Variants in SLC44A2 observed in about 807,000 individuals in gnomAD.
The protein encoded by SLC44A2 is solute carrier family 44 member 2 (CTL2 blood group).
In SLC44A2, 57 loss-of-function variants were observed where a neutral mutation model predicts 90.8. That is an observed-to-expected ratio of 0.63 (90% CI 0.51 to 0.78). The LOEUF is 0.78. Ranked by LOEUF, SLC44A2 falls within the 30% of genes least tolerant of loss-of-function variation. The pLI is 0.00. For synonymous variants in SLC44A2, 355 were observed against 360.7 expected (o/e 0.98, Z 0.18); for missense variants, 794 against 919.7 (o/e 0.86, Z 1.77).
At chr19:10,620,647 C>T (rs372830028), upstream of SLC44A2, among the ~76,000 whole-genome samples, 1 of 152,046 alleles carries the variant, frequency 6.6e-6, no homozygotes, top group East Asian at 1.9e-4. Flanking sequence ...GGGACGCAGC[C>T]GGAATGAAAG....
Position 10,636,360 on chromosome 19 carries a change from A to T in SLC44A2, c.1271A>T (p.Asn424Ile). Residue 424 changes from asparagine to isoleucine, a missense_variant, in exon 15 of 22, where the codon AAT becomes ATT. By Grantham distance (149) the Asn-to-Ile change is moderately radical. Around this residue, in one of 3 missense-constraint regions of SLC44A2, gnomAD observed 738 missense variants for 841.1 expected, o/e 0.88. Transcript: ENST00000335757. Reference protein sequence around the residue: ...PSSNESRQCPNARCQFAFYGG... With the variant: ...PSSNESRQCPIARCQFAFYGG... The stretch of plus-strand genomic sequence containing the variant: ...TCCAATGAGTCCCGCCAATGCCCCA[A>T]TGCCCGTTGCCAGTTCGCCTTCTAC... 1 of 1,613,026 alleles carries T rather than the reference A, an allele frequency of 6.2e-7. No individual in the cohort carries two copies. Among genetic ancestry groups the T allele is most frequent in the Non-Finnish European group, 8.5e-7 (1 of 1,179,690 alleles).
At position 10,634,860 on chromosome 19, in the gene SLC44A2, C is replaced by T. The variant is rs750855658; in HGVS notation, c.928C>T (p.His310Tyr). 5 of 1,614,082 alleles carry T rather than the reference C, an allele frequency of 3.1e-6. No individual in the cohort carries two copies. In the South Asian group the frequency reaches 3.3e-5, roughly 11 times the overall value. ...TCAGACGGATTTCCGGGTGTACCTG[C>T]ACTTACGGCAGACCTGGTTGGCCTT... Reference protein sequence around the residue: ...GFQTDFRVYLHLRQTWLAFMI... With the variant: ...GFQTDFRVYLYLRQTWLAFMI... The change falls in exon 11 of 22, where the codon CAC becomes TAC. Residue 310 changes from histidine to tyrosine, a missense_variant. His to Tyr is a moderately conservative substitution (Grantham distance 83). Coordinates refer to ENST00000335757, the MANE Select transcript of SLC44A2 (RefSeq NM_020428.4).
chr19:10,631,114 G>A lies in SLC44A2; in HGVS notation c.303G>A (p.Leu101=). 6.2e-7 allele frequency: 1 copy of A among 1,613,840 alleles called. No individual in the cohort carries two copies. The highest frequency in any genetic ancestry group is 1.1e-5 in the South Asian group (1 of 91,058). The part of the protein sequence containing the change: ...NIVKCASPLV[L]LEFQCPTPQI... The stretch of plus-strand genomic sequence containing the variant: ...TGAAATGTGCCAGCCCCCTGGTTCT[G>A]CTGGAATTCCAATGTCCCACTCCCC... Residue 101 remains leucine, a synonymous_variant, in exon 5 of 22, where the codon CTG becomes CTA. Transcript: ENST00000335757.
chr19:10,627,473 C>G lies in SLC44A2; in HGVS notation c.87-249C>G, dbSNP rs576646448. The stretch of plus-strand genomic sequence containing the variant: ...GGAGGATCACTTGAGCCCAGGAGTT[C>G]GAGGCTGTAGTGAGCTATGATCATG... On this transcript the variant is annotated intron_variant, in intron 2 of 21. Transcript: ENST00000335757. 2.9e-3 allele frequency among the ~76,000 whole-genome samples: 445 copies of G among 151,870 alleles called. 4 individuals carry two copies. Among genetic ancestry groups the G allele is most frequent in the African/African-American group, 0.01 (416 of 41,424 alleles).
At chr19:10,620,088 A>C (rs1371512907) in intron 1 of SLC44A2, among the ~76,000 whole-genome samples, 1 of 152,144 alleles carries the variant, frequency 6.6e-6, no homozygotes, top group Non-Finnish European at 1.5e-5. Flanking sequence ...AGGTGGGAGG[A>C]TCACTCGAGC....
intron 1 of SLC44A2, among the ~76,000 whole-genome samples, chr19:10,609,314 T>A (rs111441916): frequency 0.036 from 5,410 of 151,238 alleles, 303 homozygotes; most frequent in African/African-American, 0.12. Flanking sequence ...TTTTCTTTTT[T>A]TTCAAGACAG....
At chr19:10,614,970 C>CAAA (rs74464361) in intron 1 of SLC44A2, among the ~76,000 whole-genome samples, 19 of 61,312 alleles carry the variant, frequency 3.1e-4, no homozygotes, top group East Asian at 5.1e-4. Context: ...GACTCCGTCT[C>CAAA]AAAAAAAAAA....
chr19:10,613,297 T>C (rs1918362302), intron 1 of SLC44A2, among the ~76,000 whole-genome samples: 1 of 151,736 alleles, frequency 6.6e-6, no homozygotes, highest in Non-Finnish European at 1.5e-5. Context: ...TCACCCAGGC[T>C]AGAGTGCAGT....
intron 1 of SLC44A2, among the ~76,000 whole-genome samples, chr19:10,605,997 A>G (rs1918094287): frequency 6.6e-6 from 1 of 151,860 alleles, no homozygotes; most frequent in Non-Finnish European, 1.5e-5. Context: ...CCATCTCAAA[A>G]AACAACAAAA....
chr19:10,640,612 A>C (rs904423523), intron 20 of SLC44A2, among the ~76,000 whole-genome samples: 2 of 152,208 alleles, frequency 1.3e-5, no homozygotes, highest in South Asian at 4.1e-4. Flanking sequence ...ACTTCAGTCA[A>C]CAAATGTTTA....
intron 16 of SLC44A2, 73 bp downstream of exon 16, chr19:10,636,829 T>G: frequency 3.4e-6 from 5 of 1,460,002 alleles, no homozygotes; most frequent in Non-Finnish European, 4.7e-6. Flanking sequence ...GATTGGGTCT[T>G]GCTTGGAGGT....
At chr19:10,614,282 T>C (rs946098672) in intron 1 of SLC44A2, among the ~76,000 whole-genome samples, 1 of 152,056 alleles carries the variant, frequency 6.6e-6, no homozygotes, top group Non-Finnish European at 1.5e-5. Context: ...TTTGTGTTTT[T>C]TTAAGCCACC....
intron 1 of SLC44A2, among the ~76,000 whole-genome samples, chr19:10,604,666 C>A (rs1918050748): frequency 6.6e-6 from 1 of 152,106 alleles, no homozygotes; most frequent in African/African-American, 2.4e-5. Flanking sequence ...CGTGACCTCT[C>A]TGAAGCTCTG....
At chr19:10,624,620 G>T (rs1370238451), upstream of SLC44A2, among the ~76,000 whole-genome samples, 2 of 152,216 alleles carry the variant, frequency 1.3e-5, no homozygotes, top group Non-Finnish European at 1.5e-5. Flanking sequence ...GTCAGTTTTG[G>T]TTTCATACTT....
rs114628045 is a variant in SLC44A2 at position 10,636,749 on chromosome 19, G to A, written c.1584G>A (p.Arg528=). Reference sequence around the variant, plus strand: ...TGATACTCGAGTACCTGGATCAGCGGCTGAAAGGTACGTCCCACCCACGGT... The same window carrying A: ...TGATACTCGAGTACCTGGATCAGCGACTGAAAGGTACGTCCCACCCACGGT... ...IRVILEYLDQ[R]LKAAENKFAK... is the part of the protein sequence containing the mutation. Residue 528 remains arginine, a synonymous_variant, in exon 16 of 22, where the codon CGG becomes CGA. Coordinates refer to ENST00000335757, the MANE Select transcript of SLC44A2 (RefSeq NM_020428.4). 2.6e-4 allele frequency: 413 copies of A among 1,613,460 alleles called. 1 individual carries two copies. In the African/African-American group the frequency reaches 5.1e-3, roughly 20 times the overall value.
At chr19:10,615,068 G>GA (rs2066845193) in intron 1 of SLC44A2, among the ~76,000 whole-genome samples, 1 of 150,352 alleles carries the variant, frequency 6.7e-6, no homozygotes, top group African/African-American at 2.4e-5. Context: ...CCTTTTAAGG[G>GA]AAAAAATATT....
At chr19:10,610,631 CTTTTTTTTT>C (rs56002726) in intron 1 of SLC44A2, among the ~76,000 whole-genome samples, 2 of 47,992 alleles carry the variant, frequency 4.2e-5, no homozygotes, top group African/African-American at 9.2e-5. Flanking sequence ...CCGCGCCTGG[CTTTTTTTTT>C]TTTTTTTTTT....
At chr19:10,619,821 G>A (rs2066883899) in intron 1 of SLC44A2, among the ~76,000 whole-genome samples, 1 of 152,142 alleles carries the variant, frequency 6.6e-6, no homozygotes, top group African/African-American at 2.4e-5. Context: ...CAGGCGTGGT[G>A]GCGTGCACCT....
intron 1 of SLC44A2, among the ~76,000 whole-genome samples, chr19:10,618,522 C>T (rs1248081207): frequency 4.5e-5 from 6 of 133,874 alleles, no homozygotes; most frequent in African/African-American, 1.7e-4. Context: ...CTCTGTTGCC[C>T]AGGCTGGAGT....
Sources: gnomAD v4.1 joint callset for allele counts (sites outside exome capture counted in the v4.1 genomes callset) on GRCh38, gnomAD v4.1.1 for gene constraint, gnomAD v4.1.1 regional missense constraint, MANE v1.5 for transcripts, NCBI Gene and HGNC (gene_info 2026-07-23, HGNC 2026-07-21) for gene names.